Variants in SOX6 observed in about 807,000 individuals in gnomAD.
The protein encoded by SOX6 is SRY-box transcription factor 6, also known as transcription factor SOX-6.
A neutral mutation model predicts 97.8 loss-of-function variants in SOX6; 11 were observed. The ratio of observed to expected loss-of-function variants is 0.11; its 90% CI spans 0.07 to 0.19. The LOEUF (loss-of-function observed/expected upper bound fraction) is 0.19, where lower values mean the gene tolerates loss of function less well. Ranked by LOEUF, SOX6 falls within the 10% of genes least tolerant of loss-of-function variation. SOX6 has a pLI of 1.00. For synonymous variants in SOX6, 360 were observed against 371.4 expected, an observed-to-expected ratio of 0.97 and a Z score of 0.35; for missense variants, 810 against 1,039.5, an observed-to-expected ratio of 0.78 and a Z score of 3.04.
chr11:16,434,180 T>C (rs1380621323), intron 1 of SOX6: 1 of 152,100 alleles, frequency 6.6e-6, no homozygotes, highest in Admixed American at 6.6e-5. Flanking sequence ...TCAACTCTGC[T>C]CTGACTGACT....
At chr11:16,438,276 T>A (rs1245827837) in intron 1 of SOX6, among the ~76,000 whole-genome samples, 1 of 152,124 alleles carries the variant, frequency 6.6e-6, no homozygotes, top group African/African-American at 2.4e-5. Context: ...TTCCTATACA[T>A]CAACTTGAAA....
In SOX6 at chr11:16,021,727, T is replaced by C. The variant is rs542085667; in HGVS notation, c.1624-6677A>G. Reference sequence around the variant, plus strand: ...TCTCATACATTTTTAACACCAAAATTGTGCTAGCACTTAAGAATTAGTTAC... The same window carrying C: ...TCTCATACATTTTTAACACCAAAATCGTGCTAGCACTTAAGAATTAGTTAC... On this transcript the variant is annotated intron_variant, in intron 12 of 15. Transcript: ENST00000683767. 9.9e-5 allele frequency among the ~76,000 whole-genome samples: 15 copies of C among 152,246 alleles called. No individual in the cohort carries two copies. In the South Asian group the frequency reaches 2.7e-3, roughly 27 times the overall value.
chr11:16,521,754 C>T (rs970038352), intron 4 of SOX6, among the ~76,000 whole-genome samples: 2 of 152,086 alleles, frequency 1.3e-5, no homozygotes, highest in African/African-American at 2.4e-5. Context: ...GAATGTATAA[C>T]TAGAAGAACC....
At chr11:16,404,508 A>C (rs1438852446) in intron 1 of SOX6, among the ~76,000 whole-genome samples, 1 of 151,970 alleles carries the variant, frequency 6.6e-6, no homozygotes, top group Non-Finnish European at 1.5e-5. Flanking sequence ...TTATCAATAG[A>C]AAGCCATTTT....
intron 4 of SOX6, among the ~76,000 whole-genome samples, chr11:16,577,426 C>T (rs1471179293): frequency 6.6e-6 from 1 of 152,084 alleles, no homozygotes; most frequent in Non-Finnish European, 1.5e-5. Flanking sequence ...CGTATCTCAG[C>T]TAGTAGGAGT....
intron 6 of SOX6, among the ~76,000 whole-genome samples, chr11:16,134,781 T>C (rs1849916575): frequency 6.6e-6 from 1 of 152,300 alleles, no homozygotes; most frequent in Non-Finnish European, 1.5e-5. Flanking sequence ...CTCTCTCCCT[T>C]TCCTTAGGCT....
At chr11:16,271,362 C>T (rs189288203) in intron 3 of SOX6, among the ~76,000 whole-genome samples, 129 of 151,474 alleles carry the variant, frequency 8.5e-4, no homozygotes, top group African/African-American at 2.8e-3. Flanking sequence ...CTAGGTATAA[C>T]GTTATAGTTA....
intron 4 of SOX6, among the ~76,000 whole-genome samples, chr11:16,529,467 A>C (rs548350757): frequency 6.6e-6 from 1 of 152,080 alleles, no homozygotes; most frequent in East Asian, 1.9e-4. Flanking sequence ...AAAACAGGCA[A>C]ATATTTTCCC....
intron 1 of SOX6, among the ~76,000 whole-genome samples, chr11:16,343,613 G>A (rs2134345055): frequency 6.6e-6 from 1 of 152,028 alleles, no homozygotes; most frequent in East Asian, 1.9e-4. Context: ...CTTAAGGAAG[G>A]CTGGGTCCTC....
rs1347332629 is a variant in SOX6, at chr11:15,968,187, A to T, written c.*4622T>A. 6.6e-6 allele frequency: 1 copy of T among 152,182 alleles called. No homozygotes were observed. The highest frequency in any genetic ancestry group is 6.5e-5 in the Admixed American group (1 of 15,288). 9.4% of individuals were successfully genotyped at this position (152,182 alleles called of 1,614,324 possible). ...GATGCAAGTGCTTTTGTGAAAGGAC[A>T]AATGAGGTCATACAATATTATTATA... On this transcript the variant is annotated 3_prime_UTR_variant, in exon 16 of 16. Coordinates refer to ENST00000683767, the MANE Select transcript of SOX6 (RefSeq NM_001367873.1).
chr11:16,625,057 C>T (rs1033907508), intron 3 of SOX6, among the ~76,000 whole-genome samples: 1 of 152,108 alleles, frequency 6.6e-6, no homozygotes, highest in African/African-American at 2.4e-5. Flanking sequence ...CAAATATTTT[C>T]TCCATGGCTG....
At chr11:16,301,564 C>A (rs992535241) in intron 3 of SOX6, among the ~76,000 whole-genome samples, 1 of 152,130 alleles carries the variant, frequency 6.6e-6, no homozygotes, top group South Asian at 2.1e-4. Flanking sequence ...GATGCCAATG[C>A]TACTGACAGT....
rs936032669 is a variant in SOX6, at chr11:16,290,949, T to C, written c.445+27497A>G. 2.0e-5 allele frequency among the ~76,000 whole-genome samples: 3 copies of C among 152,020 alleles called. No homozygotes were observed. In the East Asian group the frequency reaches 5.8e-4, roughly 29 times the overall value. On this transcript the variant is annotated intron_variant, in intron 3 of 15. Coordinates refer to ENST00000683767, the MANE Select transcript of SOX6 (RefSeq NM_001367873.1). ...CTGCTACTTGAAATGTGTCAGTACA[T>C]TGTGGAGCACCTGCACCTCGGGGAA...
intron 4 of SOX6, among the ~76,000 whole-genome samples, chr11:16,595,671 A>C (rs1848205345): frequency 6.6e-6 from 1 of 151,676 alleles, no homozygotes; most frequent in Non-Finnish European, 1.5e-5. Context: ...GCTACTCAGG[A>C]GGCTGAGGCA....
intron 4 of SOX6, among the ~76,000 whole-genome samples, chr11:16,227,711 C>T (rs1590045695): frequency 6.6e-6 from 1 of 152,104 alleles, no homozygotes; most frequent in Non-Finnish European, 1.5e-5. Flanking sequence ...GAACAAGTTC[C>T]CTATTACCTT....
At chr11:16,210,577 T>C (rs1037181271) in intron 4 of SOX6, among the ~76,000 whole-genome samples, 13 of 152,178 alleles carry the variant, frequency 8.5e-5, no homozygotes, top group African/African-American at 2.7e-4. Flanking sequence ...ATGAATCTTG[T>C]GGTCTTGCAG....
intron 6 of SOX6, among the ~76,000 whole-genome samples, chr11:16,151,252 G>A (rs540157747): frequency 4.6e-5 from 7 of 152,126 alleles, no homozygotes; most frequent in Admixed American, 2.0e-4. Context: ...TTAGCATTAC[G>A]GGTGTAAATC....
chr11:16,484,113 A>G (rs1860392088), intron 4 of SOX6: 4 of 770,708 alleles, frequency 5.2e-6, no homozygotes, highest in Admixed American at 5.1e-5. Context: ...TACAGGTGAC[A>G]CTCAATCTGG....
rs953190255 is a variant in SOX6 at position 15,972,609 on chromosome 11, CAACAAT to C, written c.*194_*199del. ...ACCTAAATTAAAAAAACAACAACAA[CAACAAT>C]AACAATAACAACAAAAAACTCAAGT... On this transcript the variant is annotated 3_prime_UTR_variant, in exon 16 of 16. Coordinates refer to ENST00000683767, the MANE Select transcript of SOX6 (RefSeq NM_001367873.1). 18 of 610,922 alleles carry C rather than the reference CAACAAT, an allele frequency of 2.9e-5. No individual in the cohort carries two copies. Among genetic ancestry groups the C allele is most frequent in the Non-Finnish European group, 4.8e-5 (17 of 352,302 alleles). The allele number at this position is 610,922 out of a possible 1,614,324, so 37.8% of individuals were successfully genotyped here.
Sources: allele counts gnomAD v4.1 joint callset (sites outside exome capture counted in the v4.1 genomes callset), GRCh38; gene constraint gnomAD v4.1.1; transcripts MANE v1.5; gene names NCBI Gene and HGNC (gene_info 2026-07-23, HGNC 2026-07-21).